The following HACE1 variants were observed in gnomAD, a reference collection of about 807,000 sequenced individuals.
HACE1 encodes the protein HECT domain and ankyrin repeat containing E3 ubiquitin protein ligase 1.
Under a neutral mutation model 118.4 loss-of-function variants are expected in HACE1, and 73 were observed. That is an observed-to-expected ratio of 0.62 (90% CI 0.51 to 0.75). HACE1 has a LOEUF of 0.75. HACE1 is among the 30% of genes least tolerant of loss of function. HACE1 has a pLI of 0.00. For synonymous variants in HACE1, 368 were observed against 374.8 expected (o/e 0.98, Z 0.21); for missense variants, 749 against 1,102.2 (o/e 0.68, Z 4.54).
intron 8 of HACE1, 37 bp downstream of exon 8, chr6:104,796,891 TA>T: frequency 8.1e-7 from 1 of 1,236,596 alleles, no homozygotes; most frequent in Non-Finnish European, 1.2e-6. Flanking sequence ...GTTTCTATTA[TA>T]AAGATAAGGG....
chr6:104,859,587 C>T lies in HACE1; in HGVS notation c.56G>A (p.Arg19His). ...CTCACCCTCGGGCAACTCCACGGTG[C>T]GCGCGCGGCGCAGCGAGCGCGTCAG... ...NRLTRSLRRA[R>H]TVELPEDNET... The change falls in exon 1 of 24, where the codon CGC (arginine) becomes CAC (histidine). Residue 19 changes from arginine (R) to histidine (H), a missense_variant. Transcript: ENST00000262903. 1 of 1,526,966 alleles carries T rather than the reference C, an allele frequency of 6.5e-7. No individual in the cohort carries two copies. The allele number at this position is 1,526,966 out of a possible 1,614,324, so 94.6% of individuals were successfully genotyped here. A position where few individuals can be genotyped will look rare whatever the true frequency, so the allele number is the denominator to read the frequency against.
chr6:104,785,538 TTGTA>T, intron 11 of HACE1: 1 of 522,490 alleles, frequency 1.9e-6, no homozygotes, highest in East Asian at 3.4e-5. Flanking sequence ...ATAATTTAAT[TTGTA>T]TGTATGTATT....
intron 7 of HACE1, among the ~76,000 whole-genome samples, chr6:104,800,943 CA>C (rs1400485460): frequency 1.3e-5 from 2 of 152,086 alleles, no homozygotes; most frequent in Non-Finnish European, 2.9e-5. Context: ...TGTTCTAACC[CA>C]TCACAAGGAA....
intron 17 of HACE1, among the ~76,000 whole-genome samples, 182 bp downstream of exon 17, chr6:104,776,559 T>A (rs1268819040): frequency 6.6e-6 from 1 of 152,256 alleles, no homozygotes; most frequent in African/African-American, 2.4e-5. Context: ...CACTTATGAT[T>A]CTACTACTTA....
At chr6:104,757,420 C>T (rs2114615946) in intron 19 of HACE1, among the ~76,000 whole-genome samples, 1 of 152,270 alleles carries the variant, frequency 6.6e-6, no homozygotes, top group Admixed American at 6.5e-5. Flanking sequence ...GAGTGGACCT[C>T]CAGCAAACTC....
At chr6:104,816,817 C>T (rs1458265614) in intron 6 of HACE1, among the ~76,000 whole-genome samples, 1 of 152,202 alleles carries the variant, frequency 6.6e-6, no homozygotes, top group Non-Finnish European at 1.5e-5. Flanking sequence ...CCTGCTGAGC[C>T]ACAGGGGTGG....
chr6:104,753,299 G>A (rs1778265666), intron 19 of HACE1, among the ~76,000 whole-genome samples: 1 of 152,202 alleles, frequency 6.6e-6, no homozygotes. Context: ...AGTCAACTCA[G>A]CTGCTCCCAC....
chr6:104,782,879 C>T (rs1562358551), intron 14 of HACE1, among the ~76,000 whole-genome samples: 1 of 152,310 alleles, frequency 6.6e-6, no homozygotes, highest in East Asian at 1.9e-4. Flanking sequence ...CAACTACTAA[C>T]CAAACCATTG....
At chr6:104,752,841 T>C (rs1255818928) in intron 19 of HACE1, among the ~76,000 whole-genome samples, 1 of 152,210 alleles carries the variant, frequency 6.6e-6, no homozygotes, top group African/African-American at 2.4e-5. Flanking sequence ...ACCCAGTTCA[T>C]AGTTATTGAT....
At chr6:104,793,266 C>CAAAAA (rs397887197) in intron 10 of HACE1, among the ~76,000 whole-genome samples, 1 of 92,884 alleles carries the variant, frequency 1.1e-5, no homozygotes, top group Non-Finnish European at 2.3e-5. Context: ...GACTACATCT[C>CAAAAA]AAAAAAAAAA....
intron 10 of HACE1, among the ~76,000 whole-genome samples, chr6:104,794,734 T>C (rs1783425051): frequency 6.6e-6 from 1 of 152,048 alleles, no homozygotes; most frequent in Non-Finnish European, 1.5e-5. Context: ...CAAAACCCCA[T>C]CTCTACTGAA....
intron 6 of HACE1, among the ~76,000 whole-genome samples, chr6:104,811,985 A>G (rs1771672972): frequency 6.6e-6 from 1 of 152,136 alleles, no homozygotes; most frequent in Admixed American, 6.5e-5. Context: ...ACTGATTGCC[A>G]TTAATATATA....
intron 14 of HACE1, among the ~76,000 whole-genome samples, chr6:104,783,379 G>T (rs1287270656): frequency 6.6e-6 from 1 of 150,892 alleles, no homozygotes; most frequent in African/African-American, 2.4e-5. Context: ...TCCTCTTAGA[G>T]AAGGGAAGTA....
chr6:104,798,309 A>G (rs953147411), intron 7 of HACE1, among the ~76,000 whole-genome samples: 1 of 152,250 alleles, frequency 6.6e-6, no homozygotes, highest in East Asian at 1.9e-4. Context: ...GATTTCTCAG[A>G]AACTTAAAAA....
At chr6:104,845,613 G>A (rs1221005721) in intron 4 of HACE1, among the ~76,000 whole-genome samples, 2 of 151,816 alleles carry the variant, frequency 1.3e-5, no homozygotes, top group African/African-American at 4.8e-5. Flanking sequence ...GAGTAGCTGG[G>A]ACTACAGGCA....
intron 19 of HACE1, among the ~76,000 whole-genome samples, chr6:104,751,913 T>A (rs1778086168): frequency 6.9e-6 from 1 of 144,206 alleles, no homozygotes; most frequent in African/African-American, 2.6e-5. Context: ...TTGGCACTAA[T>A]CTGATGCTCT....
intron 1 of HACE1, among the ~76,000 whole-genome samples, chr6:104,852,837 A>G (rs887000872): frequency 6.6e-5 from 10 of 152,190 alleles, no homozygotes; most frequent in African/African-American, 2.4e-4. Context: ...TTAAATATAT[A>G]TATGCTAAAA....
At chr6:104,729,844 C>T (rs1775014995) in intron 23 of HACE1, 80 bp from the exon 24 acceptor site, 3 of 736,258 alleles carry the variant, frequency 4.1e-6, no homozygotes, top group South Asian at 2.9e-5. Context: ...GAAAACACTA[C>T]TCATAATTAA....
intron 19 of HACE1, among the ~76,000 whole-genome samples, chr6:104,754,092 T>C (rs1778357856): frequency 6.6e-6 from 1 of 151,888 alleles, no homozygotes; most frequent in African/African-American, 2.4e-5. Flanking sequence ...AAACACAACA[T>C]GAGAACTTCA....
Sources: gnomAD v4.1 joint callset for allele counts (sites outside exome capture counted in the v4.1 genomes callset) on GRCh38, gnomAD v4.1.1 for gene constraint, MANE v1.5 for transcripts, NCBI Gene and HGNC (gene_info 2026-07-23, HGNC 2026-07-21) for gene names.